Variants in NPAS2 observed in about 807,000 individuals in gnomAD.
The protein encoded by NPAS2 is neuronal PAS domain-containing protein 2.
In NPAS2, 23 loss-of-function variants were observed where a neutral mutation model predicts 107.5. The observed-to-expected ratio is 0.21, with a 90% CI of 0.15 to 0.30. The LOEUF (loss-of-function observed/expected upper bound fraction) is 0.30. Among genes scored for constraint, NPAS2 ranks in the 10% least tolerant of loss-of-function variants. The probability of loss-of-function intolerance (pLI) is 1.00; values close to 1 mark genes in which losing one functional copy is unlikely to be tolerated. For synonymous variants in NPAS2, 403 were observed against 417.5 expected (o/e 0.97, Z 0.42); for missense variants, 756 against 1,043.3 (o/e 0.72, Z 3.79).
chr2:100,931,626 A>G (rs1445104890), intron 3 of NPAS2, among the ~76,000 whole-genome samples: 1 of 151,582 alleles, frequency 6.6e-6, no homozygotes, highest in Non-Finnish European at 1.5e-5. Context: ...AGCTGGGACT[A>G]CAGGAGCCCA....
At chr2:100,946,892 G>T in intron 5 of NPAS2, among the ~76,000 whole-genome samples, 1 of 152,166 alleles carries the variant, frequency 6.6e-6, no homozygotes, top group East Asian at 1.9e-4. Context: ...GAAGACAAAG[G>T]CGCCACCAGA....
intron 2 of NPAS2, among the ~76,000 whole-genome samples, chr2:100,908,896 G>T (rs185134805): frequency 4.9e-4 from 74 of 152,266 alleles, no homozygotes; most frequent in African/African-American, 1.8e-3. Context: ...TTAATGGAGT[G>T]GATGCTGGTT....
chr2:100,822,046 C>T (rs546532051), intron 1 of NPAS2, among the ~76,000 whole-genome samples: 6 of 152,294 alleles, frequency 3.9e-5, no homozygotes, highest in Middle Eastern at 3.4e-3. Context: ...ATTGTAAATG[C>T]GCTGCTTTTA....
chr2:100,964,758 A>G, intron 8 of NPAS2, 103 bp from the exon 9 acceptor site: 1 of 708,516 alleles, frequency 1.4e-6, no homozygotes, highest in Non-Finnish European at 2.4e-6. Flanking sequence ...CTTGCTCGAA[A>G]TGATTTTAAC....
chr2:100,937,878 G>A lies in NPAS2; in HGVS notation c.363+36G>A, dbSNP rs189299353. On this transcript the variant is annotated intron_variant, in intron 5 of 20. Coordinates refer to ENST00000335681, the MANE Select transcript of NPAS2 (RefSeq NM_002518.4). ...ACTCCAATGGCCTTTACCGGTTCAC[G>A]TTACCATGTTTCTGTTGAGAATCAT... 461 of 1,434,080 alleles carry A rather than the reference G, an allele frequency of 3.2e-4. 1 individual carries two copies. The highest frequency in any genetic ancestry group is 1.0e-3 in the Admixed American group (61 of 59,754). 88.8% of individuals were successfully genotyped at this position (1,434,080 alleles called of 1,614,324 possible).
intron 12 of NPAS2, among the ~76,000 whole-genome samples, chr2:100,973,107 A>T (rs1337471159): frequency 1.3e-5 from 2 of 151,962 alleles, no homozygotes; most frequent in Non-Finnish European, 2.9e-5. Context: ...TCAACCCAGG[A>T]GGCAGAGGTT....
chr2:100,911,980 C>G (rs356656), intron 2 of NPAS2, among the ~76,000 whole-genome samples: 130,898 of 152,216 alleles, frequency 0.86, 56,406 homozygotes, highest in East Asian at 1. Flanking sequence ...TGTTAATGTG[C>G]ATGACCAGCT....
intron 2 of NPAS2, among the ~76,000 whole-genome samples, chr2:100,921,473 A>G (rs1683222069): frequency 7.0e-6 from 1 of 143,340 alleles, no homozygotes; most frequent in Admixed American, 6.8e-5. Context: ...TGAGCCCCAC[A>G]TTCAAAAATC....
At chr2:100,843,149 G>C (rs1677549995) in intron 1 of NPAS2, among the ~76,000 whole-genome samples, 1 of 151,870 alleles carries the variant, frequency 6.6e-6, no homozygotes, top group Non-Finnish European at 1.5e-5. Context: ...AACCCGGGAG[G>C]CGGAGGTTGC....
intron 1 of NPAS2, among the ~76,000 whole-genome samples, chr2:100,882,045 C>G (rs1356125446): frequency 6.6e-6 from 1 of 152,256 alleles, no homozygotes; most frequent in Non-Finnish European, 1.5e-5. Flanking sequence ...CCATGGGAAT[C>G]CTCAATGCAT....
At chr2:100,860,706 T>C (rs1257039616) in intron 1 of NPAS2, among the ~76,000 whole-genome samples, 1 of 152,198 alleles carries the variant, frequency 6.6e-6, no homozygotes, top group Non-Finnish European at 1.5e-5. Context: ...TGGTGGATTA[T>C]AATTACAGTT....
At chr2:100,900,287 G>T (rs1681691139) in intron 1 of NPAS2, among the ~76,000 whole-genome samples, 1 of 152,086 alleles carries the variant, frequency 6.6e-6, no homozygotes, top group East Asian at 1.9e-4. Flanking sequence ...GCAGGCAAAA[G>T]AATTAGACAT....
chr2:100,848,484 G>T (rs373677170), intron 1 of NPAS2, among the ~76,000 whole-genome samples: 1 of 152,212 alleles, frequency 6.6e-6, no homozygotes, highest in Non-Finnish European at 1.5e-5. Context: ...GGAAAGGGAA[G>T]TGAAAAGAGA....
At chr2:100,822,728 C>T (rs75882639) in intron 1 of NPAS2, 3 of 152,144 alleles carry the variant, frequency 2.0e-5, no homozygotes, top group Non-Finnish European at 4.4e-5. Flanking sequence ...TTACATGAAT[C>T]GTCGGTTCTC....
At chr2:100,995,039 ACTAC>A (rs1366565994) in intron 20 of NPAS2, 1 of 247,032 alleles carries the variant, frequency 4.0e-6, no homozygotes, top group Non-Finnish European at 7.7e-6. Flanking sequence ...TGCCCTGTCA[ACTAC>A]CTGCATGTGG....
intron 10 of NPAS2, among the ~76,000 whole-genome samples, chr2:100,967,711 C>T (rs573053318): frequency 1.7e-4 from 26 of 152,314 alleles, no homozygotes; most frequent in Non-Finnish European, 3.2e-4. Context: ...GCTCTGGACA[C>T]CCCTAGAAAA....
At chr2:100,946,549 G>A (rs1674910873) in intron 5 of NPAS2, among the ~76,000 whole-genome samples, 1 of 152,232 alleles carries the variant, frequency 6.6e-6, no homozygotes, top group African/African-American at 2.4e-5. Context: ...GAAGTGCTGG[G>A]AGCTGGGAGA....
chr2:100,959,675 C>T (rs1464452639), intron 7 of NPAS2, among the ~76,000 whole-genome samples: 9 of 152,206 alleles, frequency 5.9e-5, no homozygotes, highest in Non-Finnish European at 7.3e-5. Context: ...TGGAGCGAAA[C>T]CTCATCACTG....
At chr2:100,874,839 G>T (rs1047268595) in intron 1 of NPAS2, among the ~76,000 whole-genome samples, 1 of 152,108 alleles carries the variant, frequency 6.6e-6, no homozygotes, top group Non-Finnish European at 1.5e-5. Flanking sequence ...CAGAACCCGG[G>T]GCCGTTTCCT....
Sources: gnomAD v4.1 joint callset for allele counts (sites outside exome capture counted in the v4.1 genomes callset) on GRCh38, gnomAD v4.1.1 for gene constraint, MANE v1.5 for transcripts, NCBI Gene and HGNC (gene_info 2026-07-23, HGNC 2026-07-21) for gene names.